Variants in CACNA1A observed in about 807,000 individuals in gnomAD.
CACNA1A encodes calcium voltage-gated channel subunit alpha1 A.
CACNA1A carries 57 observed loss-of-function variants against 262.4 expected under a neutral mutation model. The ratio of observed to expected loss-of-function variants is 0.22; its 90% confidence interval spans 0.18 to 0.27. CACNA1A has a LOEUF of 0.27. CACNA1A is among the 10% of genes least tolerant of loss of function. The probability of loss-of-function intolerance (pLI) is 1.00; values close to 1 mark genes in which losing one functional copy is unlikely to be tolerated. For synonymous variants in CACNA1A, 1,431 were observed against 1,419.3 expected (o/e 1.01, Z -0.18); for missense variants, 2,526 against 3,562.8 (o/e 0.71, Z 7.41).
chr19:13,465,063 G>A (rs571714618), intron 1 of CACNA1A, among the ~76,000 whole-genome samples: 1 of 152,092 alleles, frequency 6.6e-6, no homozygotes, highest in South Asian at 2.1e-4. Context: ...CGAGTAGCTG[G>A]GACTACAGGC....
At chr19:13,436,228 C>A (rs2060609102) in intron 3 of CACNA1A, among the ~76,000 whole-genome samples, 1 of 152,192 alleles carries the variant, frequency 6.6e-6, no homozygotes, top group Non-Finnish European at 1.5e-5. Context: ...GTGCCCAAGG[C>A]TTCCCACATT....
Position 13,493,536 on chromosome 19 carries a change from C to T in CACNA1A, c.293+12396G>A, listed in dbSNP as rs74650193. Among the ~76,000 whole-genome samples, 3,112 of 152,308 alleles carry T rather than the reference C, an allele frequency of 0.02. 191 individuals carry two copies. The East Asian group carries it at 0.21, about 10-fold the overall frequency. ...TCAAAAGCACTGCTTTACATGCAGCCCAGGAAAAATTCCAAACCATTTAAC... is the reference window on the plus strand; with the variant it reads ...TCAAAAGCACTGCTTTACATGCAGCTCAGGAAAAATTCCAAACCATTTAAC... On this transcript the variant is annotated intron_variant, in intron 1 of 46. Transcript: ENST00000360228.
chr19:13,486,378 C>T (rs946385028), intron 1 of CACNA1A, among the ~76,000 whole-genome samples: 1 of 125,488 alleles, frequency 8.0e-6, no homozygotes, highest in Non-Finnish European at 1.6e-5. Context: ...CTCTCTCTCT[C>T]TCTCTCTGTC....
rs756378742 is a variant in CACNA1A at position 13,224,735 on chromosome 19, T to G, written c.5663A>C (p.Asn1888Thr). The G allele has an allele frequency of 6.2e-7, 1 of 1,612,046 alleles. No homozygotes were observed. The highest frequency in any genetic ancestry group is 8.5e-7 in the Non-Finnish European group (1 of 1,179,248). ...GAGGGTGGAATTGAAGTGGACGGTG[T>G]TGTCATCTGCGACGGGCAGGTCCAT... ...LRMDLPVADD[N>T]TVHFNSTLMA... Residue 1888 changes from asparagine to threonine, a missense_variant, in exon 38 of 47, where the codon AAC becomes ACC. Asn to Thr is a moderately conservative substitution (Grantham distance 65). This residue lies in a region of CACNA1A where 112 missense variants were observed against 197.2 expected (regional missense o/e 0.57). Transcript: ENST00000360228.
rs1057518292 is a variant in CACNA1A, at chr19:13,298,776, C to T, written c.2857G>A (p.Gly953Arg). The change falls in exon 19 of 47, where the codon GGG becomes AGG. Residue 953 changes from glycine to arginine, a missense_variant. By Grantham distance (125) the Gly-to-Arg change is moderately radical. Around this residue, in one of 17 missense-constraint regions of CACNA1A, gnomAD observed 765 missense variants for 748.6 expected, o/e 1.02. Coordinates refer to ENST00000360228, the MANE Select transcript of CACNA1A (RefSeq NM_001127222.2). ...TGCGCGCGATGACGTCGATGCTCCC[C>T]GTCCGCGCCCGTGCGCGGGGACCCG... ...RSGSPRTGAD[G>R]EHRRHRAHRR... 7 of 1,527,368 alleles carry T rather than the reference C, an allele frequency of 4.6e-6. No individual in the cohort carries two copies. The highest frequency in any genetic ancestry group is 5.2e-6 in the Non-Finnish European group (6 of 1,146,904). The allele number at this position is 1,527,368 out of a possible 1,614,324, so 94.6% of individuals were successfully genotyped here. A position where few individuals can be genotyped will look rare whatever the true frequency, so the allele number is the denominator to read the frequency against.
chr19:13,318,232 G>A (rs185354265), intron 10 of CACNA1A, among the ~76,000 whole-genome samples: 1 of 152,188 alleles, frequency 6.6e-6, no homozygotes, highest in African/African-American at 2.4e-5. Context: ...AGGTGAGTGT[G>A]TTGACTTGTC....
intron 30 of CACNA1A, among the ~76,000 whole-genome samples, chr19:13,247,713 A>AATAAAAATAAATAAAT (rs1555741538): frequency 4.1e-5 from 6 of 146,628 alleles, no homozygotes; most frequent in Admixed American, 2.0e-4. Context: ...TAAATAAATA[A>AATAAAAATAAATAAAT]AAATAAATAA....
chr19:13,373,987 G>A (rs753839488), intron 3 of CACNA1A, among the ~76,000 whole-genome samples: 26 of 152,208 alleles, frequency 1.7e-4, no homozygotes, highest in Non-Finnish European at 3.1e-4. Flanking sequence ...ACAGCAGGTC[G>A]TGTTAACTAG....
intron 10 of CACNA1A, 25 bp downstream of exon 10, chr19:13,330,219 A>G: frequency 6.7e-7 from 1 of 1,495,112 alleles, no homozygotes; most frequent in South Asian, 1.2e-5. Flanking sequence ...TGAACAACTG[A>G]TAGGTGGCAG....
chr19:13,207,879 GC>G lies in CACNA1A; in HGVS notation c.6954del (p.Gln2318HisfsTer290). The G allele has an allele frequency of 3.5e-6, 5 of 1,411,602 alleles. No individual in the cohort carries two copies. Among genetic ancestry groups the G allele is most frequent in the Non-Finnish European group, 3.7e-6 (4 of 1,070,750 alleles). 87.4% of individuals were successfully genotyped at this position (1,411,602 alleles called of 1,614,324 possible). ...GSGPPQQQQQ[Q>X]QQQQQQQAVA... Reference sequence around the variant, plus strand: ...ACCGCCTGCTGCTGCTGCTGCTGCTGCTGCTGCTGCTGCTGCTGCGGGGGCC... The same window carrying G: ...ACCGCCTGCTGCTGCTGCTGCTGCTGTGCTGCTGCTGCTGCTGCGGGGGCC... On this transcript the variant is annotated frameshift_variant, in exon 47 of 47. Transcript: ENST00000360228. LOFTEE classifies it low-confidence loss of function (END_TRUNC). The surrounding 1 kb of genome is among the most constrained non-coding windows in gnomAD (Gnocchi z 5.7).
At position 13,286,839 on chromosome 19, in the gene CACNA1A, G is replaced by A; in HGVS notation, c.3217C>T (p.Leu1073=). 1 of 1,613,846 alleles carries A rather than the reference G, an allele frequency of 6.2e-7. No homozygotes were observed. The highest frequency in any genetic ancestry group is 8.5e-7 in the Non-Finnish European group (1 of 1,179,872). ...EDIDNMKNNK[L]ATAESAAPHG... ...GGAGCGGCCGACTCCGCGGTGGCCAGCTTGTTGTTCTTCATGTTGTCAATA... is the reference window on the plus strand; with the variant it reads ...GGAGCGGCCGACTCCGCGGTGGCCAACTTGTTGTTCTTCATGTTGTCAATA... Residue 1073 remains leucine, a synonymous_variant, in exon 20 of 47, where the codon CTG becomes TTG. Transcript: ENST00000360228.
chr19:13,412,483 CTTT>C (rs530607540), intron 3 of CACNA1A, among the ~76,000 whole-genome samples: 1 of 145,092 alleles, frequency 6.9e-6, no homozygotes. Context: ...TTTTTCTTTT[CTTT>C]TTTTTTTTTG....
chr19:13,219,518 G>T (rs527441154), intron 38 of CACNA1A, among the ~76,000 whole-genome samples: 2 of 152,266 alleles, frequency 1.3e-5, no homozygotes, highest in Admixed American at 1.3e-4. Flanking sequence ...TACAAAGAGT[G>T]GGGGTGTTGT....
intron 3 of CACNA1A, among the ~76,000 whole-genome samples, chr19:13,405,560 C>T (rs760351985): frequency 7.2e-5 from 11 of 151,974 alleles, no homozygotes; most frequent in Admixed American, 3.9e-4. Flanking sequence ...ATTTCTTGAG[C>T]GCTTACAAGG....
In CACNA1A at chr19:13,407,219, G is replaced by A. The variant is rs187226153; in HGVS notation, c.540-35440C>T. ...TTGTGAAAGACAAAACGCGTAGACAGTACAAAATTCAGAAAGACACAAGAA... is the reference window on the plus strand; with the variant it reads ...TTGTGAAAGACAAAACGCGTAGACAATACAAAATTCAGAAAGACACAAGAA... On this transcript the variant is annotated intron_variant, in intron 3 of 46. Transcript: ENST00000360228. 1.1e-3 allele frequency among the ~76,000 whole-genome samples: 168 copies of A among 152,302 alleles called. 3 individuals carry two copies. Among genetic ancestry groups the A allele is most frequent in the Admixed American group, 5.2e-3 (79 of 15,298 alleles).
intron 3 of CACNA1A, among the ~76,000 whole-genome samples, chr19:13,376,077 T>C (rs529001706): frequency 6.6e-6 from 1 of 152,266 alleles, no homozygotes; most frequent in African/African-American, 2.4e-5. Context: ...TAGAAGATCT[T>C]GGTTCATGAG....
chr19:13,276,029 A>G, intron 23 of CACNA1A, 73 bp from the exon 24 acceptor site: 1 of 953,898 alleles, frequency 1.0e-6, no homozygotes, highest in Non-Finnish European at 1.7e-6. Context: ...CCCACTCTCT[A>G]GCCTCTCGGG....
chr19:13,272,777 G>T (rs2057057141), intron 24 of CACNA1A: 1 of 151,980 alleles, frequency 6.6e-6, no homozygotes, highest in Admixed American at 6.6e-5. Context: ...GGGGCTGAAA[G>T]GCAGAGAGGG....
chr19:13,234,847 TATG>T, intron 34 of CACNA1A, 71 bp downstream of exon 34: 1 of 1,013,322 alleles, frequency 9.9e-7, no homozygotes, highest in Non-Finnish European at 1.6e-6. Context: ...GTACATCCTC[TATG>T]GGAACAGAAG....
Sources: gnomAD v4.1 joint callset for allele counts (sites outside exome capture counted in the v4.1 genomes callset) on GRCh38, gnomAD v4.1.1 for gene constraint, gnomAD v4.1.1 regional missense constraint, Gnocchi (gnomAD v3.1) non-coding constraint, MANE v1.5 for transcripts, NCBI Gene and HGNC (gene_info 2026-07-23, HGNC 2026-07-21) for gene names.